Variants in ARHGAP42 observed in about 807,000 individuals in gnomAD.
ARHGAP42 encodes the protein rho GTPase-activating protein 42.
Under a neutral mutation model 125.0 loss-of-function variants are expected in ARHGAP42, and 63 were observed. The observed-to-expected ratio is 0.50, with a 90% CI of 0.41 to 0.62. The LOEUF (loss-of-function observed/expected upper bound fraction) is 0.62, where lower values mean the gene tolerates loss of function less well. ARHGAP42 is among the 20% of genes least tolerant of loss of function. The pLI is 0.00. For missense variants in ARHGAP42, 766 were observed against 1,024.2 expected, an observed-to-expected ratio of 0.75 and a Z score of 3.44; for synonymous variants, 339 against 351.0, an observed-to-expected ratio of 0.97 and a Z score of 0.38.
chr11:100,756,381 G>A (rs1261046825), intron 1 of ARHGAP42, among the ~76,000 whole-genome samples: 1 of 152,126 alleles, frequency 6.6e-6, no homozygotes, highest in Non-Finnish European at 1.5e-5. Flanking sequence ...CTGGGCAACA[G>A]AGCAAGACCC....
chr11:100,837,627 C>T (rs1226497244), intron 3 of ARHGAP42, among the ~76,000 whole-genome samples: 1 of 141,644 alleles, frequency 7.1e-6, no homozygotes, highest in African/African-American at 2.7e-5. Flanking sequence ...GAGGTTTTCC[C>T]GGAAATTCAC....
chr11:100,713,899 G>A (rs1861605900), intron 1 of ARHGAP42, among the ~76,000 whole-genome samples: 1 of 152,160 alleles, frequency 6.6e-6, no homozygotes, highest in African/African-American at 2.4e-5. Context: ...TATTTCTAAT[G>A]TGGATTGAAT....
chr11:100,702,520 A>G (rs1861413190), intron 1 of ARHGAP42, among the ~76,000 whole-genome samples: 1 of 152,028 alleles, frequency 6.6e-6, no homozygotes, highest in South Asian at 2.1e-4. Context: ...GAAAAGTGGT[A>G]TCAATAGACT....
At chr11:100,747,819 TCC>T (rs1828791686) in intron 1 of ARHGAP42, among the ~76,000 whole-genome samples, 1 of 117,444 alleles carries the variant, frequency 8.5e-6, no homozygotes, top group Non-Finnish European at 1.7e-5. Flanking sequence ...TTGCATAAAT[TCC>T]CTTTTATAAC....
intron 3 of ARHGAP42, among the ~76,000 whole-genome samples, chr11:100,830,855 C>G (rs1437043512): frequency 6.6e-6 from 1 of 151,894 alleles, no homozygotes; most frequent in Non-Finnish European, 1.5e-5. Flanking sequence ...TTGGTGGGCA[C>G]CACGGTTACT....
intron 8 of ARHGAP42, among the ~76,000 whole-genome samples, chr11:100,938,275 C>T (rs1372907505): frequency 6.6e-6 from 1 of 152,106 alleles, no homozygotes; most frequent in East Asian, 1.9e-4. Flanking sequence ...CCCTTTACCT[C>T]CAGGCTTGCC....
At chr11:100,703,119 T>C (rs1861424345) in intron 1 of ARHGAP42, among the ~76,000 whole-genome samples, 1 of 152,180 alleles carries the variant, frequency 6.6e-6, no homozygotes, top group African/African-American at 2.4e-5. Flanking sequence ...ATGAATATAC[T>C]GTTTCGTATT....
At chr11:100,831,564 T>C (rs1864664201) in intron 3 of ARHGAP42, among the ~76,000 whole-genome samples, 1 of 152,138 alleles carries the variant, frequency 6.6e-6, no homozygotes, top group Non-Finnish European at 1.5e-5. Flanking sequence ...GGCCTTTGTA[T>C]AGGGAAGCTC....
At chr11:100,801,899 G>A (rs139074900) in intron 3 of ARHGAP42, among the ~76,000 whole-genome samples, 10 of 152,210 alleles carry the variant, frequency 6.6e-5, no homozygotes, top group African/African-American at 2.4e-4. Flanking sequence ...TTAATAAAAT[G>A]TTTATTACTT....
At chr11:100,922,214 C>G (rs1240888767) in intron 6 of ARHGAP42, among the ~76,000 whole-genome samples, 1 of 152,116 alleles carries the variant, frequency 6.6e-6, no homozygotes, top group African/African-American at 2.4e-5. Flanking sequence ...CTGTTTTCCC[C>G]TTTGTTCTGT....
intron 3 of ARHGAP42, among the ~76,000 whole-genome samples, chr11:100,831,861 C>A (rs1187700397): frequency 6.6e-6 from 1 of 152,232 alleles, no homozygotes; most frequent in Non-Finnish European, 1.5e-5. Context: ...ATGCCCTATT[C>A]ATACTTCAAG....
intron 1 of ARHGAP42, among the ~76,000 whole-genome samples, chr11:100,691,531 T>C (rs1861190716): frequency 6.6e-6 from 1 of 152,104 alleles, no homozygotes; most frequent in Admixed American, 6.5e-5. Context: ...TTTTTATTTA[T>C]TTATTTATTT....
intron 2 of ARHGAP42, among the ~76,000 whole-genome samples, chr11:100,784,069 A>C (rs1863376339): frequency 1.3e-5 from 2 of 152,198 alleles, no homozygotes; most frequent in Non-Finnish European, 2.9e-5. Context: ...GGACATCAGA[A>C]GATGCCTAAA....
chr11:100,831,888 C>G (rs1260471130), intron 3 of ARHGAP42, among the ~76,000 whole-genome samples: 1 of 152,182 alleles, frequency 6.6e-6, no homozygotes, highest in East Asian at 1.9e-4. Flanking sequence ...GCTAACGGGG[C>G]AAGGTGAGGG....
At chr11:100,731,395 C>T (rs146169809) in intron 1 of ARHGAP42, among the ~76,000 whole-genome samples, 66 of 152,154 alleles carry the variant, frequency 4.3e-4, no homozygotes, top group Non-Finnish European at 8.2e-4. Flanking sequence ...TTGATCCATC[C>T]GCCTCAGACT....
intron 3 of ARHGAP42, among the ~76,000 whole-genome samples, chr11:100,843,967 C>CA (rs1042765052): frequency 6.6e-6 from 1 of 151,806 alleles, no homozygotes; most frequent in African/African-American, 2.4e-5. Context: ...CATATGGAAC[C>CA]AAAAAAATAG....
At position 100,992,764 on chromosome 11, in the gene ARHGAP42, C is replaced by A; in HGVS notation, c.*3963C>A. 25 of 1,467,964 alleles carry A rather than the reference C, an allele frequency of 1.7e-5. No homozygotes were observed. The highest frequency in any genetic ancestry group is 2.3e-5 in the Non-Finnish European group (25 of 1,089,828). The allele number at this position is 1,467,964 out of a possible 1,614,324, so 90.9% of individuals were successfully genotyped here. A position where few individuals can be genotyped will look rare whatever the true frequency, so the allele number is the denominator to read the frequency against. On this transcript the variant is annotated 3_prime_UTR_variant, in exon 24 of 24. Transcript: ENST00000298815. ...TATTTTTTGAGGGCAGCTGCCCTCA[C>A]TGTTTTAAATAAAGAATCTTACATA...
chr11:100,809,217 G>GT (rs1864079370), intron 3 of ARHGAP42, among the ~76,000 whole-genome samples: 1 of 152,010 alleles, frequency 6.6e-6, no homozygotes, highest in African/African-American at 2.4e-5. Flanking sequence ...AGATAGGATT[G>GT]TCTAGTTTTT....
At chr11:100,845,384 A>C (rs780499626) in intron 3 of ARHGAP42, among the ~76,000 whole-genome samples, 21 of 152,092 alleles carry the variant, frequency 1.4e-4, no homozygotes, top group Non-Finnish European at 2.6e-4. Flanking sequence ...GTAAAAGACT[A>C]CAAACTGGAT....
Sources: allele counts gnomAD v4.1 joint callset (sites outside exome capture counted in the v4.1 genomes callset), GRCh38; gene constraint gnomAD v4.1.1; transcripts MANE v1.5; gene names NCBI Gene and HGNC (gene_info 2026-07-23, HGNC 2026-07-21).